ETFDH: variants seen among roughly 807,000 people sequenced by gnomAD.
ETFDH encodes electron transfer flavoprotein dehydrogenase.
Under a neutral mutation model 73.2 loss-of-function variants are expected in ETFDH, and 61 were observed. The ratio of observed to expected loss-of-function variants is 0.83; its 90% CI spans 0.68 to 1.03. The LOEUF (loss-of-function observed/expected upper bound fraction) is 1.03. Ranked by LOEUF, ETFDH falls within the 50% of genes least tolerant of loss-of-function variation. ETFDH has a pLI of 0.00. For missense variants in ETFDH, 685 were observed against 745.0 expected (o/e 0.92, Z 0.94); for synonymous variants, 243 against 253.3 (o/e 0.96, Z 0.39).
chr4:158,688,148 C>T (rs1205109194), intron 5 of ETFDH, among the ~76,000 whole-genome samples: 2 of 152,150 alleles, frequency 1.3e-5, no homozygotes, highest in Non-Finnish European at 2.9e-5. Context: ...TATCCCAGCA[C>T]TTTGGGAGGC....
intron 6 of ETFDH, among the ~76,000 whole-genome samples, chr4:158,692,504 TG>T (rs1456054892): frequency 6.6e-6 from 1 of 151,816 alleles, no homozygotes; most frequent in Non-Finnish European, 1.5e-5. Context: ...GGGCTCAGCC[TG>T]TCCTGCAGTA....
Position 158,680,541 on chromosome 4 carries a change from T to G in ETFDH, c.109T>G (p.Ser37Ala). 3 of 1,605,694 alleles carry G rather than the reference T, an allele frequency of 1.9e-6. No individual in the cohort carries two copies. Among genetic ancestry groups the G allele is most frequent in the Non-Finnish European group, 2.6e-6 (3 of 1,172,430 alleles). ...ATGTGCTACAAGATGGTCTTCAACT[T>G]CTACTGTGCCTCGAATTACTACCCA... The part of the protein sequence containing the change: ...PLCATRWSST[S>A]TVPRITTHYT... The change falls in exon 2 of 13, where the codon TCT becomes GCT. Residue 37 changes from serine to alanine, a missense_variant. Ser to Ala is a moderately conservative substitution (Grantham distance 99, BLOSUM62 1). Coordinates refer to ENST00000511912, the MANE Select transcript of ETFDH (RefSeq NM_004453.4).
chr4:158,687,719 T>C (rs1476120484), intron 5 of ETFDH, among the ~76,000 whole-genome samples: 3 of 152,190 alleles, frequency 2.0e-5, no homozygotes, highest in Non-Finnish European at 4.4e-5. Context: ...TATTGATTCT[T>C]ATTATGCATT....
intron 3 of ETFDH, among the ~76,000 whole-genome samples, chr4:158,684,355 A>G (rs1773943806): frequency 6.7e-6 from 1 of 148,326 alleles, no homozygotes; most frequent in African/African-American, 2.5e-5. Flanking sequence ...GCACCACTGC[A>G]CTCCAGCCTG....
At chr4:158,688,942 T>C (rs1774086155) in intron 5 of ETFDH, among the ~76,000 whole-genome samples, 1 of 152,188 alleles carries the variant, frequency 6.6e-6, no homozygotes, top group South Asian at 2.1e-4. Context: ...AGCAGGAAGT[T>C]ACAACTTAGA....
chr4:158,698,922 T>C, intron 8 of ETFDH, 65 bp from the exon 9 acceptor site: 2 of 1,190,832 alleles, frequency 1.7e-6, no homozygotes, highest in Non-Finnish European at 1.2e-6. Flanking sequence ...AAACATTGCT[T>C]ACATTTTAGC....
intron 5 of ETFDH, among the ~76,000 whole-genome samples, chr4:158,686,931 A>G (rs1774021185): frequency 6.6e-6 from 1 of 152,176 alleles, no homozygotes; most frequent in Non-Finnish European, 1.5e-5. Flanking sequence ...CATGAAGGGA[A>G]TATTACAGAG....
Position 158,706,689 on chromosome 4 carries a change from C to T in ETFDH, c.1529C>T (p.Pro510Leu). The T allele has an allele frequency of 6.2e-7, 1 of 1,614,092 alleles. No homozygotes were observed. The highest frequency in any genetic ancestry group is 8.5e-7 in the Non-Finnish European group (1 of 1,179,988). ...KDCTPIEYPKPDGQISFDLLS... is the reference protein window; with the variant it reads ...KDCTPIEYPKLDGQISFDLLS... ...TGCACACCTATTGAGTATCCAAAAC[C>T]CGATGGACAGATCAGTTTTGACCTC... Residue 510 changes from proline (P) to leucine (L), a missense_variant, in exon 12 of 13, where the codon CCC becomes CTC. By Grantham distance (98) the Pro-to-Leu change is moderately conservative (BLOSUM62 -3). Around this residue, in one of 3 missense-constraint regions of ETFDH, gnomAD observed 201 missense variants for 225.2 expected, o/e 0.89. Transcript: ENST00000511912.
At chr4:158,696,521 T>C (rs1320240452) in intron 7 of ETFDH, among the ~76,000 whole-genome samples, 1 of 151,796 alleles carries the variant, frequency 6.6e-6, no homozygotes, top group Non-Finnish European at 1.5e-5. Flanking sequence ...AAAAAAAGAA[T>C]ATAGTAATTA....
chr4:158,707,959 G>A (rs1288076477), intron 12 of ETFDH, among the ~76,000 whole-genome samples: 3 of 152,182 alleles, frequency 2.0e-5, no homozygotes, highest in African/African-American at 7.2e-5. Context: ...TCACATTTGT[G>A]GGTGAAATAC....
intron 8 of ETFDH, among the ~76,000 whole-genome samples, 186 bp from the exon 9 acceptor site, chr4:158,698,801 C>T (rs943109268): frequency 5.9e-5 from 9 of 152,052 alleles, no homozygotes; most frequent in Admixed American, 3.3e-4. Flanking sequence ...TTTTCTTTAC[C>T]TTTTCTTTTC....
chr4:158,682,016 C>T, intron 2 of ETFDH, 179 bp from the exon 3 acceptor site: 1 of 770,076 alleles, frequency 1.3e-6, no homozygotes. Flanking sequence ...TGTACTGGAA[C>T]AGAACCTAAG....
rs570071565 is a variant in ETFDH at position 158,675,718 on chromosome 4, A to G, written c.34+3228A>G. Reference sequence around the variant, plus strand: ...TGGAAAGTCAAGGCTTCAGTGAGCCATGATCACATCACTGCATTCCACCCT... The same window carrying G: ...TGGAAAGTCAAGGCTTCAGTGAGCCGTGATCACATCACTGCATTCCACCCT... On this transcript the variant is annotated intron_variant, in intron 1 of 12. Transcript: ENST00000511912. Among the ~76,000 whole-genome samples the G allele has an allele frequency of 2.0e-5, 3 of 151,878 alleles. No homozygotes were observed. In the South Asian group the frequency reaches 6.2e-4, roughly 32 times the overall value.
intron 9 of ETFDH, among the ~76,000 whole-genome samples, chr4:158,702,428 G>A (rs767912357): frequency 6.6e-6 from 1 of 151,940 alleles, no homozygotes; most frequent in Non-Finnish European, 1.5e-5. Flanking sequence ...CTGTATTTCT[G>A]TATACATTAA....
chr4:158,707,080 TGAA>T (rs1257275631), intron 12 of ETFDH, among the ~76,000 whole-genome samples: 2 of 151,292 alleles, frequency 1.3e-5, no homozygotes, highest in African/African-American at 4.9e-5. Context: ...CAGACTAAGA[TGAA>T]GATTCTTGAA....
rs1411765773 is a variant in ETFDH at position 158,709,065 on chromosome 4, T to C, written c.*538T>C. On this transcript the variant is annotated 3_prime_UTR_variant, in exon 13 of 13. Coordinates refer to ENST00000511912, the MANE Select transcript of ETFDH (RefSeq NM_004453.4). The stretch of plus-strand genomic sequence containing the variant: ...TGTGTGTGTGTGTGTGTGTATTATC[T>C]ATAAGTATGAAAACCTAGCATCATC... The C allele has an allele frequency of 8.1e-6, 1 of 122,872 alleles. No individual in the cohort carries two copies. The highest frequency in any genetic ancestry group is 2.1e-4 in the East Asian group (1 of 4,744). 7.6% of individuals were successfully genotyped at this position (122,872 alleles called of 1,614,324 possible).
At chr4:158,682,760 C>G (rs1773898188) in intron 3 of ETFDH, among the ~76,000 whole-genome samples, 1 of 152,104 alleles carries the variant, frequency 6.6e-6, no homozygotes, top group African/African-American at 2.4e-5. Context: ...GTCTCGAACT[C>G]CTGACCTCAG....
chr4:158,672,835 G>GA (rs111870477), intron 1 of ETFDH, among the ~76,000 whole-genome samples: 1,907 of 147,982 alleles, frequency 0.013, 26 homozygotes, highest in African/African-American at 0.038. Flanking sequence ...GTTGGAAATG[G>GA]AAAAAAAAAA....
intron 6 of ETFDH, among the ~76,000 whole-genome samples, chr4:158,694,626 TA>T (rs1238242834): frequency 6.6e-6 from 1 of 150,456 alleles, no homozygotes; most frequent in Non-Finnish European, 1.5e-5. Flanking sequence ...AATTAAAAAA[TA>T]AAATAGTTAT....
Sources: gnomAD v4.1 joint callset for allele counts (sites outside exome capture counted in the v4.1 genomes callset) on GRCh38, gnomAD v4.1.1 for gene constraint, gnomAD v4.1.1 regional missense constraint, MANE v1.5 for transcripts, NCBI Gene and HGNC (gene_info 2026-07-23, HGNC 2026-07-21) for gene names.